GRIA3: variants seen among roughly 807,000 people sequenced by gnomAD.
GRIA3 encodes the protein glutamate receptor 3.
A neutral mutation model predicts 63.0 loss-of-function variants in GRIA3; 3 were observed. The observed-to-expected ratio is 0.05, with a 90% CI of 0.02 to 0.12. GRIA3 has a LOEUF of 0.12. GRIA3 is among the 10% of genes least tolerant of loss of function. GRIA3 has a pLI of 1.00. For synonymous variants in GRIA3, 274 were observed against 257.9 expected, an observed-to-expected ratio of 1.06 and a Z score of -0.60; for missense variants, 347 against 700.9, an observed-to-expected ratio of 0.50 and a Z score of 5.70.
At chrX:123,343,733 T>C (rs1055396390) in intron 4 of GRIA3, among the ~76,000 whole-genome samples, 1 of 108,736 alleles carries the variant, frequency 9.2e-6, no homozygotes, top group Non-Finnish European at 1.9e-5. Flanking sequence ...CCTCCTAGTC[T>C]CAAGCGATCC....
intron 1 of GRIA3, 200 bp downstream of exon 1, chrX:123,184,844 C>T: frequency 2.0e-6 from 1 of 500,690 alleles, no homozygotes; most frequent in Non-Finnish European, 3.6e-6. Context: ...GTCTGAAGAG[C>T]CTCTGGGACA....
intron 12 of GRIA3, among the ~76,000 whole-genome samples, chrX:123,452,637 T>C (rs1483814017): frequency 8.9e-6 from 1 of 112,146 alleles, no homozygotes; most frequent in East Asian, 2.8e-4. Flanking sequence ...ACAATAGTAT[T>C]GAACTTCTCT....
At chrX:123,436,012 T>C (rs959628186) in intron 12 of GRIA3, among the ~76,000 whole-genome samples, 5 of 110,951 alleles carry the variant, frequency 4.5e-5, no homozygotes, top group Non-Finnish European at 9.4e-5. Flanking sequence ...GGCCCAGCAA[T>C]AGAGCAATTA....
At chrX:123,438,488 T>C (rs991584955) in intron 12 of GRIA3, among the ~76,000 whole-genome samples, 4 of 112,278 alleles carry the variant, frequency 3.6e-5, no homozygotes, top group Non-Finnish European at 5.6e-5. Flanking sequence ...AGGAGTAAAA[T>C]TGCTGGATCA....
At chrX:123,225,919 T>G (rs1405012642) in intron 2 of GRIA3, among the ~76,000 whole-genome samples, 1 of 111,641 alleles carries the variant, frequency 9.0e-6, no homozygotes, top group African/African-American at 3.3e-5. Flanking sequence ...TTGACCTCTA[T>G]TTCATTCATG....
intron 4 of GRIA3, among the ~76,000 whole-genome samples, chrX:123,336,230 T>C (rs1045431537): frequency 1.2e-4 from 13 of 111,675 alleles, no homozygotes; most frequent in African/African-American, 3.9e-4. Flanking sequence ...TAACAAAAAA[T>C]AAAATAAAAT....
rs199925243 is a variant in GRIA3 at position 123,277,120 on chromosome X, TA to T, written c.508+23587del. 5.4e-3 allele frequency among the ~76,000 whole-genome samples: 585 copies of T among 108,725 alleles called. 2 individuals are homozygous for T. Among genetic ancestry groups the T allele is most frequent in the African/African-American group, 0.015 (458 of 29,901 alleles). The allele number at this position is 108,725 out of a possible 115,157, so 94.4% of individuals were successfully genotyped here. ...TTTTTTTAACTTTTTTTTTAATTAT[TA>T]AAAAAAAATTGTGAGTACATTGTAG... On this transcript the variant is annotated intron_variant, in intron 3 of 15. Coordinates refer to ENST00000620443, the MANE Select transcript of GRIA3 (RefSeq NM_007325.5).
At position 123,185,617 on chromosome X, in the gene GRIA3, C is replaced by A. The variant is rs777300327; in HGVS notation, c.110-215C>A. On this transcript the variant is annotated intron_variant, in intron 1 of 15. Coordinates refer to ENST00000620443, the MANE Select transcript of GRIA3 (RefSeq NM_007325.5). ...ACGGCTCCCTCGTCTCTTCTCCCTTCTCTCTAGCCTCTTCTTTTCAGTCTA... is the reference window on the plus strand; with the variant it reads ...ACGGCTCCCTCGTCTCTTCTCCCTTATCTCTAGCCTCTTCTTTTCAGTCTA... Among the ~76,000 whole-genome samples, 4 of 110,701 alleles carry A rather than the reference C, an allele frequency of 3.6e-5. No homozygotes were observed. The East Asian group carries it at 1.1e-3, about 32-fold the overall frequency.
intron 3 of GRIA3, among the ~76,000 whole-genome samples, chrX:123,270,378 TGTG>T (rs1271092338): frequency 1.8e-5 from 2 of 112,119 alleles, no homozygotes; most frequent in African/African-American, 6.5e-5. Flanking sequence ...AAAGATTTTT[TGTG>T]GCCTTAAAGA....
At chrX:123,443,328 T>C (rs1188165949) in intron 12 of GRIA3, among the ~76,000 whole-genome samples, 1 of 112,256 alleles carries the variant, frequency 8.9e-6, no homozygotes, top group Non-Finnish European at 1.9e-5. Flanking sequence ...CCCTTCCTTT[T>C]CCACTGCCCA....
intron 2 of GRIA3, among the ~76,000 whole-genome samples, chrX:123,207,244 T>C (rs1305153944): frequency 8.9e-6 from 1 of 111,911 alleles, no homozygotes; most frequent in African/African-American, 3.3e-5. Flanking sequence ...CATTTTTTCT[T>C]CCTATGACTC....
chrX:123,301,112 T>C (rs1365493474), intron 3 of GRIA3, among the ~76,000 whole-genome samples: 3 of 111,339 alleles, frequency 2.7e-5, no homozygotes, highest in African/African-American at 9.8e-5. Context: ...TTAGAGTATG[T>C]GCCATGTGCC....
Position 123,474,362 on chromosome X carries a change from A to G in GRIA3, c.2325-5701A>G, listed in dbSNP as rs1302069865. Among the ~76,000 whole-genome samples the G allele has an allele frequency of 5.3e-5, 6 of 112,427 alleles. No homozygotes were observed. In the East Asian group the frequency reaches 1.7e-3, roughly 31 times the overall value. On this transcript the variant is annotated intron_variant, in intron 13 of 15. Transcript: ENST00000620443. ...TAAGCAGTTCTTTTGAAATACATCA[A>G]AAGTTTTATTTATTTTGTTTTTTAA... is the stretch of plus-strand genomic sequence containing the variant.
chrX:123,423,049 C>A (rs1315117204), intron 11 of GRIA3, among the ~76,000 whole-genome samples: 1 of 112,117 alleles, frequency 8.9e-6, no homozygotes, highest in Non-Finnish European at 1.9e-5. Flanking sequence ...AGTCCAGAGT[C>A]CAAGTCCTTC....
chrX:123,466,101 G>C (rs996834188), intron 13 of GRIA3, among the ~76,000 whole-genome samples: 4 of 111,766 alleles, frequency 3.6e-5, no homozygotes, highest in South Asian at 3.8e-4. Flanking sequence ...AGAGTCCAAG[G>C]CTTTCCTGTG....
chrX:123,433,569 G>A (rs548777343), intron 12 of GRIA3, among the ~76,000 whole-genome samples: 5 of 111,937 alleles, frequency 4.5e-5, no homozygotes, highest in South Asian at 3.8e-4. Flanking sequence ...CCCCAATGCC[G>A]GATGCCAGAT....
intron 3 of GRIA3, among the ~76,000 whole-genome samples, chrX:123,271,743 C>T (rs2044524584): frequency 8.9e-6 from 1 of 111,798 alleles, no homozygotes; most frequent in South Asian, 3.8e-4. Context: ...CTGTCATGAT[C>T]CTCATTTTAC....
At chrX:123,365,617 G>GA (rs1182111976) in intron 5 of GRIA3, among the ~76,000 whole-genome samples, 33 of 109,009 alleles carry the variant, frequency 3.0e-4, no homozygotes, top group East Asian at 5.7e-4. Flanking sequence ...ACTGGAGAGG[G>GA]AAAAAAAAAG....
intron 12 of GRIA3, among the ~76,000 whole-genome samples, chrX:123,438,781 A>G (rs2045658338): frequency 8.9e-6 from 1 of 112,865 alleles, no homozygotes; most frequent in Non-Finnish European, 1.9e-5. Flanking sequence ...CTGGGATTAC[A>G]GGCGTGAGCC....
Sources: gnomAD v4.1 joint callset for allele counts (sites outside exome capture counted in the v4.1 genomes callset) on GRCh38, gnomAD v4.1.1 for gene constraint, MANE v1.5 for transcripts, NCBI Gene and HGNC (gene_info 2026-07-23, HGNC 2026-07-21) for gene names.